TMEM132C: variants seen among roughly 807,000 people sequenced by gnomAD.
The protein encoded by TMEM132C is transmembrane protein 132C, also known as protein phosphatase 1, regulatory subunit 152.
In TMEM132C, 29 loss-of-function variants were observed where a neutral mutation model predicts 61.4. The observed-to-expected ratio is 0.47, with a 90% confidence interval of 0.35 to 0.64. TMEM132C has a LOEUF of 0.64. Ranked by LOEUF, TMEM132C falls within the 30% of genes least tolerant of loss-of-function variation. The probability of loss-of-function intolerance (pLI) is 0.00; values close to 1 mark genes in which losing one functional copy is unlikely to be tolerated. For missense variants in TMEM132C, 1,408 were observed against 1,476.9 expected (o/e 0.95, Z 0.76); for synonymous variants, 656 against 633.1 (o/e 1.04, Z -0.54).
chr12:128,487,265 C>T (rs1871530342), intron 2 of TMEM132C, among the ~76,000 whole-genome samples: 2 of 152,182 alleles, frequency 1.3e-5, no homozygotes, highest in African/African-American at 4.8e-5. Context: ...TTGTTCTAAT[C>T]AGCCCCTTCA....
At chr12:128,512,829 C>G (rs981105850) in intron 2 of TMEM132C, among the ~76,000 whole-genome samples, 3 of 152,218 alleles carry the variant, frequency 2.0e-5, no homozygotes, top group African/African-American at 7.2e-5. Context: ...GGATTTCCCA[C>G]ACCTCGCTTT....
chr12:128,469,920 AATAC>A (rs1306489099), intron 2 of TMEM132C, among the ~76,000 whole-genome samples: 1 of 152,156 alleles, frequency 6.6e-6, no homozygotes, highest in Non-Finnish European at 1.5e-5. Flanking sequence ...ATATTATATA[AATAC>A]ATACACATAT....
chr12:128,669,109 C>T (rs1954505144), intron 4 of TMEM132C, among the ~76,000 whole-genome samples: 1 of 152,078 alleles, frequency 6.6e-6, no homozygotes, highest in Non-Finnish European at 1.5e-5. Flanking sequence ...ACAACCAAAC[C>T]TAACTGATGT....
At chr12:128,685,685 G>A (rs1362356891) in intron 5 of TMEM132C, among the ~76,000 whole-genome samples, 1 of 152,222 alleles carries the variant, frequency 6.6e-6, no homozygotes, top group Non-Finnish European at 1.5e-5. Flanking sequence ...CATGATGGAG[G>A]AGAAGGCGGG....
At chr12:128,543,856 G>C (rs61938604) in intron 2 of TMEM132C, 101 bp from the exon 3 acceptor site, 312,818 of 1,445,900 alleles carry the variant, frequency 0.22, 35,681 homozygotes, top group South Asian at 0.3. Flanking sequence ...AAGTGGAAAA[G>C]CAAAACAGAA....
chr12:128,459,984 G>C (rs933069645), intron 2 of TMEM132C, among the ~76,000 whole-genome samples: 5 of 152,024 alleles, frequency 3.3e-5, no homozygotes, highest in African/African-American at 9.6e-5. Flanking sequence ...TTGAAATAAG[G>C]CCTGAAGGTC....
intron 4 of TMEM132C, among the ~76,000 whole-genome samples, chr12:128,636,604 G>A (rs1158287616): frequency 1.6e-5 from 2 of 123,212 alleles, no homozygotes; most frequent in Admixed American, 9.0e-5. Flanking sequence ...GTGTGTGTGT[G>A]TATTAAGAAC....
intron 1 of TMEM132C, among the ~76,000 whole-genome samples, chr12:128,299,398 G>A (rs1871524611): frequency 6.6e-6 from 1 of 152,180 alleles, no homozygotes. Context: ...CATTAGATGA[G>A]CTGGTCCATG....
intron 1 of TMEM132C, among the ~76,000 whole-genome samples, chr12:128,286,403 T>A (rs1871075533): frequency 6.6e-6 from 1 of 152,174 alleles, no homozygotes; most frequent in African/African-American, 2.4e-5. Context: ...GGGAATATGA[T>A]GCTCAGTTTG....
At chr12:128,616,690 C>T (rs1031540511) in intron 4 of TMEM132C, among the ~76,000 whole-genome samples, 2 of 152,194 alleles carry the variant, frequency 1.3e-5, no homozygotes, top group Admixed American at 6.5e-5. Flanking sequence ...TCTTGCTCCC[C>T]ACTCCATGCT....
intron 3 of TMEM132C, among the ~76,000 whole-genome samples, chr12:128,588,602 A>G (rs989452506): frequency 2.0e-5 from 3 of 152,104 alleles, no homozygotes; most frequent in African/African-American, 7.2e-5. Flanking sequence ...CCCCCCACTC[A>G]CAAAATTCAT....
chr12:128,619,425 C>G (rs919424819), intron 4 of TMEM132C, among the ~76,000 whole-genome samples: 1 of 152,248 alleles, frequency 6.6e-6, no homozygotes, highest in African/African-American at 2.4e-5. Flanking sequence ...AGCAGGGAGA[C>G]GTGCTCTCGA....
chr12:128,590,899 C>T (rs1359550110), intron 3 of TMEM132C, among the ~76,000 whole-genome samples: 1 of 152,158 alleles, frequency 6.6e-6, no homozygotes, highest in Non-Finnish European at 1.5e-5. Context: ...ATCTCAGCCT[C>T]CTGAGGAACT....
intron 2 of TMEM132C, among the ~76,000 whole-genome samples, chr12:128,543,472 C>T (rs1873833240): frequency 6.6e-6 from 1 of 152,136 alleles, no homozygotes; most frequent in African/African-American, 2.4e-5. Flanking sequence ...GGCCCAGTGG[C>T]TCTGTGTGGT....
At position 128,575,190 on chromosome 12, in the gene TMEM132C, T is replaced by TAA. The variant is rs1314925509; in HGVS notation, c.1121+31089_1121+31090dup. Among the ~76,000 whole-genome samples the TAA allele has an allele frequency of 2.6e-5, 4 of 152,316 alleles. No homozygotes were observed. In the East Asian group the frequency reaches 5.8e-4, roughly 22 times the overall value. ...GCAAAGTCATCATACCTTATAAATATAAAGAGAGGCCGGACATGGTGAGTC... is the reference window on the plus strand; with the variant it reads ...GCAAAGTCATCATACCTTATAAATATAAAAAGAGAGGCCGGACATGGTGAGTC... On this transcript the variant is annotated intron_variant, in intron 3 of 8. Coordinates refer to ENST00000435159, the MANE Select transcript of TMEM132C (RefSeq NM_001136103.3).
chr12:128,706,242 G>T lies in TMEM132C; in HGVS notation c.3274G>T (p.Gly1092Cys). 1 of 1,551,338 alleles carries T rather than the reference G, an allele frequency of 6.4e-7. No homozygotes were observed. The change falls in exon 9 of 9, where the codon GGT becomes TGT. Residue 1092 changes from glycine (G) to cysteine (C), a missense_variant. Coordinates refer to ENST00000435159, the MANE Select transcript of TMEM132C (RefSeq NM_001136103.3). The part of the protein sequence containing the change: ...IKWVCQDVAV[G>C]APKELRNYLE... ...ATGGGTGTGTCAAGACGTGGCTGTG[G>T]GTGCCCCCAAGGAACTTAGAAACTA...
intron 1 of TMEM132C, among the ~76,000 whole-genome samples, chr12:128,378,999 C>T (rs1378786258): frequency 1.3e-5 from 2 of 152,204 alleles, no homozygotes; most frequent in East Asian, 1.9e-4. Context: ...CTTTCACCTT[C>T]GGCCATGATT....
chr12:128,288,283 C>A (rs1871138404), intron 1 of TMEM132C: 1 of 152,266 alleles, frequency 6.6e-6, no homozygotes, highest in Non-Finnish European at 1.5e-5. Flanking sequence ...GTCTCAAACT[C>A]CCTACCTCAG....
At chr12:128,504,663 T>C (rs1244584939) in intron 2 of TMEM132C, among the ~76,000 whole-genome samples, 2 of 152,096 alleles carry the variant, frequency 1.3e-5, no homozygotes, top group Non-Finnish European at 2.9e-5. Flanking sequence ...GAGAGGTCCC[T>C]GGCATCTCTC....
Sources: gnomAD v4.1 joint callset for allele counts (sites outside exome capture counted in the v4.1 genomes callset) on GRCh38, gnomAD v4.1.1 for gene constraint, MANE v1.5 for transcripts, NCBI Gene and HGNC (gene_info 2026-07-23, HGNC 2026-07-21) for gene names.